HCRTR2: variants seen among roughly 807,000 people sequenced by gnomAD.
The protein encoded by HCRTR2 is hypocretin receptor 2, also known as orexin receptor type 2.
In HCRTR2, 22 loss-of-function variants were observed where a neutral mutation model predicts 49.0. The observed-to-expected ratio is 0.45, with a 90% CI of 0.32 to 0.64. HCRTR2 has a LOEUF of 0.64. Among genes scored for constraint, HCRTR2 ranks in the 30% least tolerant of loss-of-function variants. HCRTR2 has a pLI of 0.04. For synonymous variants in HCRTR2, 236 were observed against 205.3 expected (o/e 1.15, Z -1.28); for missense variants, 491 against 559.4 (o/e 0.88, Z 1.23).
At chr6:55,114,069 C>G (rs1469414326) in intron 1 of HCRTR2, among the ~76,000 whole-genome samples, 1 of 151,546 alleles carries the variant, frequency 6.6e-6, no homozygotes, top group Non-Finnish European at 1.5e-5. Flanking sequence ...TGTTCTCACT[C>G]TTAAGTGAAA....
intron 1 of HCRTR2, among the ~76,000 whole-genome samples, chr6:55,213,923 G>A (rs1432406949): frequency 6.6e-6 from 1 of 151,392 alleles, no homozygotes; most frequent in Non-Finnish European, 1.5e-5. Flanking sequence ...TTTTCCTGGG[G>A]AGAGAAAGAG....
At chr6:55,176,121 G>C (rs1164796253) in intron 1 of HCRTR2, among the ~76,000 whole-genome samples, 1 of 152,102 alleles carries the variant, frequency 6.6e-6, no homozygotes, top group African/African-American at 2.4e-5. Context: ...TGTTGGTCTG[G>C]GTAGAAATCA....
chr6:55,203,212 T>C lies in HCRTR2; in HGVS notation c.223+28402T>C, dbSNP rs3134702. ...GTATATATATAATTTCTCTGAAGGA[T>C]AGAATTTGTACTTCGTTCCATACAT... On this transcript the variant is annotated intron_variant, in intron 1 of 6. Coordinates refer to ENST00000370862, the MANE Select transcript of HCRTR2 (RefSeq NM_001384272.1). 1.8e-3 allele frequency among the ~76,000 whole-genome samples: 274 copies of C among 152,286 alleles called. 1 individual carries two copies. The highest frequency in any genetic ancestry group is 6.1e-3 in the African/African-American group (254 of 41,556).
intron 4 of HCRTR2, among the ~76,000 whole-genome samples, chr6:55,273,897 A>G (rs1767021870): frequency 6.6e-6 from 1 of 152,046 alleles, no homozygotes; most frequent in Admixed American, 6.6e-5. Flanking sequence ...TGGGATACAC[A>G]CAATCACAAA....
chr6:55,236,504 C>T (rs576280389), intron 1 of HCRTR2, among the ~76,000 whole-genome samples: 2 of 152,134 alleles, frequency 1.3e-5, no homozygotes, highest in South Asian at 4.1e-4. Context: ...TTCCAAACTT[C>T]ATTATTTTAT....
chr6:55,242,674 A>G (rs1766358848), intron 1 of HCRTR2, among the ~76,000 whole-genome samples: 1 of 152,202 alleles, frequency 6.6e-6, no homozygotes, highest in African/African-American at 2.4e-5. Flanking sequence ...TTAATAAGAG[A>G]CACAATCTTA....
intron 3 of HCRTR2, among the ~76,000 whole-genome samples, chr6:55,258,793 C>T (rs1766700199): frequency 6.6e-6 from 1 of 152,102 alleles, no homozygotes; most frequent in Non-Finnish European, 1.5e-5. Flanking sequence ...TGGCTCAAGC[C>T]TGTAATCCCA....
chr6:55,184,864 C>T (rs193170758), intron 1 of HCRTR2, among the ~76,000 whole-genome samples: 152 of 152,276 alleles, frequency 1.0e-3, no homozygotes, highest in Non-Finnish European at 1.6e-3. Context: ...GATTTTGTCA[C>T]TACATTGCTA....
chr6:55,187,954 T>C (rs903732822), intron 1 of HCRTR2, among the ~76,000 whole-genome samples: 2 of 151,984 alleles, frequency 1.3e-5, no homozygotes, highest in Non-Finnish European at 2.9e-5. Flanking sequence ...TTTTTTTTTC[T>C]TGTATTTTTA....
At chr6:55,192,411 GCGCA>G (rs928915065) in intron 1 of HCRTR2, among the ~76,000 whole-genome samples, 1 of 44,690 alleles carries the variant, frequency 2.2e-5, no homozygotes, top group African/African-American at 8.9e-5. Flanking sequence ...ACGCGCGCGC[GCGCA>G]CACACACACA....
chr6:55,275,822 C>T (rs1444501943), intron 4 of HCRTR2, among the ~76,000 whole-genome samples: 1 of 152,074 alleles, frequency 6.6e-6, no homozygotes, highest in Non-Finnish European at 1.5e-5. Context: ...GTTGGTCAGG[C>T]TGGTCATGAA....
chr6:55,268,104 G>A (rs961886455), intron 4 of HCRTR2, among the ~76,000 whole-genome samples: 1 of 152,088 alleles, frequency 6.6e-6, no homozygotes, highest in African/African-American at 2.4e-5. Flanking sequence ...TTATACTATT[G>A]AAATTACATT....
chr6:55,185,995 G>GA (rs1765211007), intron 1 of HCRTR2, among the ~76,000 whole-genome samples: 1 of 152,144 alleles, frequency 6.6e-6, no homozygotes, highest in African/African-American at 2.4e-5. Flanking sequence ...TGCCAGCTTT[G>GA]AATCACTGCT....
chr6:55,253,993 A>C (rs1388522750), intron 2 of HCRTR2, among the ~76,000 whole-genome samples: 1 of 152,156 alleles, frequency 6.6e-6, no homozygotes, highest in Non-Finnish European at 1.5e-5. Context: ...ACATTTATCT[A>C]TGTAACAAAC....
intron 1 of HCRTR2, among the ~76,000 whole-genome samples, chr6:55,244,166 T>C (rs1562019939): frequency 6.6e-6 from 1 of 152,010 alleles, no homozygotes; most frequent in Non-Finnish European, 1.5e-5. Context: ...GAAACCCAGT[T>C]ACTATTGGCC....
chr6:55,130,386 GT>G (rs138470553), intron 1 of HCRTR2, among the ~76,000 whole-genome samples: 21 of 145,136 alleles, frequency 1.4e-4, no homozygotes, highest in African/African-American at 2.3e-4. Flanking sequence ...TTGTTGTTTT[GT>G]TTTTTTTTTC....
At chr6:55,145,901 CATCAT>C (rs1764575031) in intron 1 of HCRTR2, among the ~76,000 whole-genome samples, 1 of 152,006 alleles carries the variant, frequency 6.6e-6, no homozygotes, top group Admixed American at 6.6e-5. Flanking sequence ...CATTTCTACT[CATCAT>C]ATAAGTTGTA....
At chr6:55,260,709 T>G (rs1766738222) in intron 3 of HCRTR2, among the ~76,000 whole-genome samples, 1 of 152,154 alleles carries the variant, frequency 6.6e-6, no homozygotes, top group African/African-American at 2.4e-5. Context: ...CTCAACTGCA[T>G]CTGAAAGACA....
At chr6:55,186,829 G>A (rs1283215994) in intron 1 of HCRTR2, among the ~76,000 whole-genome samples, 5 of 152,116 alleles carry the variant, frequency 3.3e-5, no homozygotes, top group Non-Finnish European at 7.4e-5. Flanking sequence ...GATGTTTCAG[G>A]CATGCCCATA....
Sources: allele counts gnomAD v4.1 joint callset (sites outside exome capture counted in the v4.1 genomes callset), GRCh38; gene constraint gnomAD v4.1.1; transcripts MANE v1.5; gene names NCBI Gene and HGNC (gene_info 2026-07-23, HGNC 2026-07-21).